Variants in SLC2A9 observed in about 807,000 individuals in gnomAD.
SLC2A9 encodes the protein solute carrier family 2, facilitated glucose transporter member 9.
Under a neutral mutation model 50.6 loss-of-function variants are expected in SLC2A9, and 39 were observed. That is an observed-to-expected ratio of 0.77 (90% CI 0.60 to 1.01). SLC2A9 has a LOEUF of 1.01. Among genes scored for constraint, SLC2A9 ranks in the 50% least tolerant of loss-of-function variants. The pLI is 0.00. For synonymous variants in SLC2A9, 324 were observed against 276.9 expected (o/e 1.17, Z -1.69); for missense variants, 686 against 677.6 (o/e 1.01, Z -0.14).
chr4:10,012,497 G>A (rs192065413), intron 2 of SLC2A9, among the ~76,000 whole-genome samples: 4 of 152,320 alleles, frequency 2.6e-5, no homozygotes, highest in African/African-American at 9.6e-5. Flanking sequence ...AAAGTGAAGG[G>A]AAGGAGGACA....
At chr4:9,912,340 C>T (rs1032537877) in intron 7 of SLC2A9, among the ~76,000 whole-genome samples, 6 of 151,884 alleles carry the variant, frequency 4.0e-5, no homozygotes, top group South Asian at 2.1e-4. Flanking sequence ...GCACATATGC[C>T]ATGCTAGGAA....
chr4:9,979,382 T>C (rs931165435), intron 5 of SLC2A9, among the ~76,000 whole-genome samples: 7 of 152,170 alleles, frequency 4.6e-5, no homozygotes, highest in Admixed American at 1.3e-4. Flanking sequence ...TGTTTGTCTG[T>C]TGTGCACTGT....
intron 6 of SLC2A9, among the ~76,000 whole-genome samples, chr4:9,927,030 ATTT>A (rs35095818): frequency 5.9e-5 from 8 of 135,820 alleles, no homozygotes; most frequent in South Asian, 2.4e-4. Context: ...CTGTTGTTCG[ATTT>A]TTTTTTTTTT....
intron 2 of SLC2A9, among the ~76,000 whole-genome samples, chr4:10,003,915 A>AAGGGTACT (rs1012650374): frequency 6.6e-6 from 1 of 152,148 alleles, no homozygotes; most frequent in Non-Finnish European, 1.5e-5. Flanking sequence ...TACCCTCCAC[A>AAGGGTACT]AGGGTACTAT....
chr4:9,868,609 G>A (rs996449332), intron 10 of SLC2A9, among the ~76,000 whole-genome samples: 2 of 152,174 alleles, frequency 1.3e-5, no homozygotes, highest in Non-Finnish European at 2.9e-5. Flanking sequence ...CTGTTGAGGA[G>A]CTCATATATA....
chr4:9,948,224 C>T (rs970550552), intron 5 of SLC2A9, among the ~76,000 whole-genome samples: 6 of 152,176 alleles, frequency 3.9e-5, no homozygotes, highest in African/African-American at 1.4e-4. Flanking sequence ...TCATTCATCT[C>T]ACACACATCC....
chr4:10,032,210 A>G (rs1763959743), intron 1 of SLC2A9, among the ~76,000 whole-genome samples: 1 of 152,146 alleles, frequency 6.6e-6, no homozygotes, highest in Non-Finnish European at 1.5e-5. Flanking sequence ...AAGCAGTGTA[A>G]GGTGATGAGA....
rs148307093 is a variant in SLC2A9, at chr4:10,005,437, G to A, written c.250-8496C>T. Among the ~76,000 whole-genome samples, 362 of 152,338 alleles carry A rather than the reference G, an allele frequency of 2.4e-3. 2 individuals carry two copies. The highest frequency in any genetic ancestry group is 0.011 in the East Asian group (58 of 5,170). ...GTCTACACAAAATTCCATGGGCACTGGGGAGCCATTGGAGGGTTTTAGCAC... is the reference window on the plus strand; with the variant it reads ...GTCTACACAAAATTCCATGGGCACTAGGGAGCCATTGGAGGGTTTTAGCAC... On this transcript the variant is annotated intron_variant, in intron 2 of 11. Coordinates refer to ENST00000264784, the MANE Select transcript of SLC2A9 (RefSeq NM_020041.3).
At chr4:9,829,304 T>G (rs1441841461) in intron 11 of SLC2A9, among the ~76,000 whole-genome samples, 2 of 151,960 alleles carry the variant, frequency 1.3e-5, no homozygotes, top group African/African-American at 4.8e-5. Context: ...CTTGAGAGAC[T>G]GAGGTAAAGA....
intron 2 of SLC2A9, among the ~76,000 whole-genome samples, chr4:10,001,245 C>A (rs1295991621): frequency 2.0e-5 from 3 of 152,094 alleles, no homozygotes; most frequent in Non-Finnish European, 2.9e-5. Context: ...ACAATCTTTA[C>A]AAAGCAAATA....
chr4:10,036,544 C>T (rs1359978433), intron 1 of SLC2A9, among the ~76,000 whole-genome samples: 1 of 152,172 alleles, frequency 6.6e-6, no homozygotes, highest in Admixed American at 6.5e-5. Flanking sequence ...CTTTGTTGTC[C>T]TGCTTTTTCC....
At chr4:9,882,183 A>C (rs1735326671) in intron 10 of SLC2A9, among the ~76,000 whole-genome samples, 1 of 152,228 alleles carries the variant, frequency 6.6e-6, no homozygotes, top group Admixed American at 6.5e-5. Context: ...CCACATAGAC[A>C]CAAACAGGAC....
intron 3 of SLC2A9, among the ~76,000 whole-genome samples, chr4:9,991,594 A>G (rs974200162): frequency 3.9e-5 from 6 of 152,172 alleles, no homozygotes; most frequent in African/African-American, 1.4e-4. Context: ...TTTAAGGCTC[A>G]CCTGTTAAAG....
rs559989433 is a variant in SLC2A9 at position 10,019,059 on chromosome 4, C to G, written c.165G>C (p.Ser55=). ...GGRRRKDWSC[S]LLVASLAGAF... ...CGCCCGCGAGGGAGGCCACGAGGAG[C>G]GAGCAGGACCAGTCCTGAGGGGAGA... The change falls in exon 2 of 12, where the codon TCG becomes TCC. Residue 55 remains serine (S), a synonymous_variant. Transcript: ENST00000264784. The G allele has an allele frequency of 7.1e-6, 11 of 1,551,168 alleles. No individual in the cohort carries two copies. The highest frequency in any genetic ancestry group is 9.6e-6 in the Non-Finnish European group (11 of 1,146,958).
At chr4:9,901,611 G>A (rs1028404078) in intron 8 of SLC2A9, among the ~76,000 whole-genome samples, 5 of 152,218 alleles carry the variant, frequency 3.3e-5, no homozygotes, top group African/African-American at 7.2e-5. Context: ...AGAGTGAAGA[G>A]AAAACCTACA....
chr4:9,879,732 G>A, intron 10 of SLC2A9: 1 of 985,392 alleles, frequency 1.0e-6, no homozygotes, highest in Non-Finnish European at 1.2e-6. Context: ...TTAACTTGGT[G>A]CCAGGCACAG....
chr4:9,888,855 G>A (rs111250788), intron 9 of SLC2A9, among the ~76,000 whole-genome samples: 2 of 152,150 alleles, frequency 1.3e-5, no homozygotes, highest in Admixed American at 1.3e-4. Context: ...AGCTTTAGGG[G>A]TTGAGAGGAG....
chr4:9,881,199 G>A (rs1280883281), intron 10 of SLC2A9, among the ~76,000 whole-genome samples: 1 of 152,200 alleles, frequency 6.6e-6, no homozygotes, highest in Admixed American at 6.5e-5. Flanking sequence ...CTAGCCCAGT[G>A]GTTCTTGAAC....
chr4:10,018,252 C>T (rs1762938413), intron 2 of SLC2A9, among the ~76,000 whole-genome samples: 1 of 152,170 alleles, frequency 6.6e-6, no homozygotes, highest in Non-Finnish European at 1.5e-5. Context: ...AATTTAAAGT[C>T]AACAACACCA....
Sources: gnomAD v4.1 joint callset for allele counts (sites outside exome capture counted in the v4.1 genomes callset) on GRCh38, gnomAD v4.1.1 for gene constraint, MANE v1.5 for transcripts, NCBI Gene and HGNC (gene_info 2026-07-23, HGNC 2026-07-21) for gene names.